Variants in MAML3 observed in about 807,000 individuals in gnomAD.
The protein encoded by MAML3 is mastermind like transcriptional coactivator 3.
MAML3 carries 27 observed loss-of-function variants against 101.9 expected under a neutral mutation model. The ratio of observed to expected loss-of-function variants is 0.27; its 90% CI spans 0.20 to 0.37. MAML3 has a LOEUF of 0.37. MAML3 is among the 10% of genes least tolerant of loss of function. The pLI is 1.00. For missense variants in MAML3, 1,316 were observed against 1,444.9 expected (o/e 0.91, Z 1.45); for synonymous variants, 501 against 555.9 (o/e 0.90, Z 1.39).
At chr4:140,043,099 C>T (rs560290899) in intron 1 of MAML3, among the ~76,000 whole-genome samples, 4 of 152,114 alleles carry the variant, frequency 2.6e-5, no homozygotes, top group Non-Finnish European at 5.9e-5. Context: ...CAGGACTGTT[C>T]CCAGATGCCC....
chr4:140,038,286 G>A (rs1396185378), intron 1 of MAML3, among the ~76,000 whole-genome samples: 1 of 152,214 alleles, frequency 6.6e-6, no homozygotes, highest in African/African-American at 2.4e-5. Flanking sequence ...TACAGATACG[G>A]CAGGGAGTGA....
At chr4:139,828,631 T>TG (rs142686403) in intron 2 of MAML3, among the ~76,000 whole-genome samples, 2,595 of 151,446 alleles carry the variant, frequency 0.017, 61 homozygotes, top group African/African-American at 0.057. Context: ...TGATAAATGT[T>TG]GCAATGACAG....
chr4:140,033,655 T>C (rs1726941353), intron 1 of MAML3, among the ~76,000 whole-genome samples: 1 of 152,262 alleles, frequency 6.6e-6, no homozygotes, highest in South Asian at 2.1e-4. Context: ...CCAACTCTGA[T>C]GCTTACTAGC....
intron 2 of MAML3, among the ~76,000 whole-genome samples, chr4:139,868,520 C>G (rs1344692994): frequency 2.0e-5 from 3 of 152,148 alleles, no homozygotes; most frequent in African/African-American, 7.2e-5. Context: ...AGCCTGGGCC[C>G]TAAACTCAAA....
intron 1 of MAML3, among the ~76,000 whole-genome samples, chr4:140,127,109 G>GCTTC (rs2111033636): frequency 6.6e-6 from 1 of 152,270 alleles, no homozygotes; most frequent in South Asian, 2.1e-4. Flanking sequence ...TAGGGCTTAT[G>GCTTC]CTTCTGAGCG....
chr4:139,721,196 T>G (rs1223537306), intron 4 of MAML3, among the ~76,000 whole-genome samples: 1 of 152,222 alleles, frequency 6.6e-6, no homozygotes, highest in Non-Finnish European at 1.5e-5. Flanking sequence ...GTTTAAAAGG[T>G]GGCCAGAGTG....
chr4:139,859,986 G>T (rs2604923), intron 2 of MAML3, among the ~76,000 whole-genome samples: 1 of 151,884 alleles, frequency 6.6e-6, no homozygotes, highest in South Asian at 2.1e-4. Context: ...GTCGCGGGAG[G>T]GGCTAGAGGA....
chr4:140,145,382 A>G (rs1461550983), intron 1 of MAML3, among the ~76,000 whole-genome samples: 4 of 152,222 alleles, frequency 2.6e-5, no homozygotes. Flanking sequence ...TTGTTAAGCC[A>G]TTGCAAAAGG....
chr4:139,955,283 A>G (rs1733896492), intron 1 of MAML3, among the ~76,000 whole-genome samples: 1 of 152,148 alleles, frequency 6.6e-6, no homozygotes, highest in Non-Finnish European at 1.5e-5. Flanking sequence ...AATTTTTAAA[A>G]TATCTTAGGA....
At chr4:139,873,766 C>A (rs1392988690) in intron 2 of MAML3, among the ~76,000 whole-genome samples, 1 of 152,214 alleles carries the variant, frequency 6.6e-6, no homozygotes, top group Non-Finnish European at 1.5e-5. Context: ...CCAGTCAAGC[C>A]TTCAGATGAC....
At chr4:139,892,930 CAAAA>C (rs572440211) in intron 1 of MAML3, among the ~76,000 whole-genome samples, 1 of 69,874 alleles carries the variant, frequency 1.4e-5, no homozygotes, top group African/African-American at 4.6e-5. Context: ...GACTCCGTCT[CAAAA>C]AAAAAAAAAA....
chr4:139,844,404 T>C (rs1220092988), intron 2 of MAML3, among the ~76,000 whole-genome samples: 1 of 152,218 alleles, frequency 6.6e-6, no homozygotes, highest in Non-Finnish European at 1.5e-5. Flanking sequence ...TGCCACTGTT[T>C]AGATGTTGGT....
intron 1 of MAML3, among the ~76,000 whole-genome samples, chr4:140,120,826 G>A (rs1230541570): frequency 1.3e-5 from 2 of 152,140 alleles, no homozygotes; most frequent in Non-Finnish European, 2.9e-5. Context: ...CTGCAGTAAC[G>A]TTCGGTTCAC....
chr4:139,982,762 A>G (rs1247141859), intron 1 of MAML3, among the ~76,000 whole-genome samples: 1 of 152,164 alleles, frequency 6.6e-6, no homozygotes, highest in Non-Finnish European at 1.5e-5. Context: ...ACATCACCAC[A>G]TAGACCACTC....
intron 2 of MAML3, among the ~76,000 whole-genome samples, chr4:139,806,134 C>A (rs1730695416): frequency 6.6e-6 from 1 of 152,048 alleles, no homozygotes; most frequent in Non-Finnish European, 1.5e-5. Flanking sequence ...TTAGAAGTTA[C>A]AAGGGAAGAG....
intron 1 of MAML3, among the ~76,000 whole-genome samples, chr4:139,942,097 A>G (rs980687305): frequency 6.6e-5 from 10 of 152,010 alleles, no homozygotes; most frequent in African/African-American, 1.2e-4. Flanking sequence ...TCGTGCCACT[A>G]TACTCCAGCC....
At position 140,093,416 on chromosome 4, in the gene MAML3, G is replaced by GTT. The variant is rs561107578; in HGVS notation, c.468+59442_468+59443dup. Among the ~76,000 whole-genome samples, 937 of 121,460 alleles carry GTT rather than the reference G, an allele frequency of 7.7e-3. 18 individuals are homozygous for GTT. Among genetic ancestry groups the GTT allele is most frequent in the East Asian group, 0.021 (86 of 4,084 alleles). 79.7% of individuals were successfully genotyped at this position (121,460 alleles called of 152,430 possible). ...CAAAAGCTAAGACTCATGTTTGTTT[G>GTT]TTTTTTTTTTTTTTTTTTGAGACAG... On this transcript the variant is annotated intron_variant, in intron 1 of 4. Coordinates refer to ENST00000509479, the MANE Select transcript of MAML3 (RefSeq NM_018717.5).
chr4:139,996,333 T>C (rs1734812823), intron 1 of MAML3, among the ~76,000 whole-genome samples: 1 of 152,198 alleles, frequency 6.6e-6, no homozygotes, highest in South Asian at 2.1e-4. Flanking sequence ...TTTCTAGTTA[T>C]CCTATCAAAT....
In MAML3 at chr4:139,890,736, T is replaced by G; in HGVS notation, c.700A>C (p.Thr234Pro). ...KPSLPLQNSG[T>P]HTPGLLEDLS... ...TCTTCTAGAAGCCCAGGAGTGTGAG[T>G]TCCACTGTTCTGCAAGGGCAAAGAA... Residue 234 changes from threonine to proline, a missense_variant, in exon 2 of 5, where the codon ACT (threonine) becomes CCT (proline). By Grantham distance (38) the Thr-to-Pro change is conservative. Coordinates refer to ENST00000509479, the MANE Select transcript of MAML3 (RefSeq NM_018717.5). The surrounding 1 kb of genome is among the most constrained non-coding windows in gnomAD (Gnocchi z 4.1). 1 of 1,613,996 alleles carries G rather than the reference T, an allele frequency of 6.2e-7. No homozygotes were observed. The highest frequency in any genetic ancestry group is 8.5e-7 in the Non-Finnish European group (1 of 1,179,886).
Sources: allele counts gnomAD v4.1 joint callset (sites outside exome capture counted in the v4.1 genomes callset), GRCh38; gene constraint gnomAD v4.1.1; non-coding constraint Gnocchi (gnomAD v3.1); transcripts MANE v1.5; gene names NCBI Gene and HGNC (gene_info 2026-07-23, HGNC 2026-07-21).